The following CP variants were observed in gnomAD, a reference collection of about 807,000 sequenced individuals.
CP encodes ceruloplasmin, also known as caeruloplasmin.
Under a neutral mutation model 122.4 loss-of-function variants are expected in CP, and 64 were observed. The observed-to-expected ratio is 0.52, with a 90% confidence interval of 0.43 to 0.64. CP has a LOEUF of 0.64. CP is among the 30% of genes least tolerant of loss of function. The probability of loss-of-function intolerance (pLI) is 0.00; values close to 1 mark genes in which losing one functional copy is unlikely to be tolerated. For missense variants in CP, 1,167 were observed against 1,284.4 expected, an observed-to-expected ratio of 0.91 and a Z score of 1.40; for synonymous variants, 440 against 436.4, an observed-to-expected ratio of 1.01 and a Z score of -0.10.
chr3:149,184,184 G>A (rs554411580), intron 12 of CP, among the ~76,000 whole-genome samples: 4 of 151,412 alleles, frequency 2.6e-5, no homozygotes, highest in Non-Finnish European at 4.4e-5. Context: ...ACAAGCGCCC[G>A]CCACCATGCC....
At position 149,172,985 on chromosome 3, in the gene CP, T is replaced by C. The variant is rs937579895; in HGVS notation, c.*729A>G. 1.3e-5 allele frequency: 2 copies of C among 152,644 alleles called. No homozygotes were observed. Among genetic ancestry groups the C allele is most frequent in the South Asian group, 2.1e-4 (1 of 4,834 alleles). 9.5% of individuals were successfully genotyped at this position (152,644 alleles called of 1,614,324 possible). A position where few individuals can be genotyped will look rare whatever the true frequency, so the allele number is the denominator to read the frequency against. On this transcript the variant is annotated 3_prime_UTR_variant, in exon 19 of 19. Coordinates refer to ENST00000264613, the MANE Select transcript of CP (RefSeq NM_000096.4). ...AACCATGTGTCTTCATTTATAACTTTTTGTTTAAAAAATTTTTAGTTCAAG... is the reference window on the plus strand; with the variant it reads ...AACCATGTGTCTTCATTTATAACTTCTTGTTTAAAAAATTTTTAGTTCAAG...
chr3:149,210,412 G>A (rs774542599), intron 2 of CP, 33 bp from the exon 3 acceptor site: 2 of 1,562,530 alleles, frequency 1.3e-6, no homozygotes, highest in South Asian at 2.2e-5. Context: ...GGTGCAAAGT[G>A]AATGTGTTTG....
Position 149,178,631 on chromosome 3 carries a change from C to G in CP, c.2662G>C (p.Asp888His). ...AYYSTVDQVK[D>H]LYSGLIGPLI... ...GGGCCAATTAATCCACTGTAGAGGT[C>G]CTGGAAACAAGAAAAATCTTCAGTA... The change falls in exon 16 of 19, where the codon GAC becomes CAC. Residue 888 changes from aspartate (D) to histidine (H), a missense_variant and splice_region_variant. Around this residue, in one of 2 missense-constraint regions of CP, gnomAD observed 525 missense variants for 657.2 expected, o/e 0.80. Coordinates refer to ENST00000264613, the MANE Select transcript of CP (RefSeq NM_000096.4). 1 of 1,605,656 alleles carries G rather than the reference C, an allele frequency of 6.2e-7. No individual in the cohort carries two copies. Among genetic ancestry groups the G allele is most frequent in the Non-Finnish European group, 8.5e-7 (1 of 1,173,498 alleles).
chr3:149,202,284 A>G (rs748492338), intron 6 of CP, 43 bp from the exon 7 acceptor site: 4 of 1,613,718 alleles, frequency 2.5e-6, no homozygotes, highest in Non-Finnish European at 1.7e-6. Flanking sequence ...TTGAAGTAGA[A>G]CAGAAAGCAG....
chr3:149,176,205 A>C, intron 18 of CP, 45 bp downstream of exon 18: 8 of 1,577,820 alleles, frequency 5.1e-6, no homozygotes, highest in Non-Finnish European at 7.0e-6. Context: ...TCCTTTAGTT[A>C]TATCTTTTAT....
intron 8 of CP, 59 bp downstream of exon 8, chr3:149,199,653 T>C: frequency 6.3e-7 from 1 of 1,589,398 alleles, no homozygotes; most frequent in Non-Finnish European, 8.6e-7. Context: ...ATACTGTCAG[T>C]GACCAGTACA....
downstream of CP, chr3:149,172,290 C>A: frequency 1.9e-5 from 22 of 1,159,384 alleles, no homozygotes; most frequent in East Asian, 2.7e-5. Context: ...TGCCAAAGTA[C>A]AAGTAGAGGA....
chr3:149,174,690 T>C (rs1412836065), intron 18 of CP, among the ~76,000 whole-genome samples: 1 of 152,218 alleles, frequency 6.6e-6, no homozygotes, highest in African/African-American at 2.4e-5. Context: ...AGCAGGCTTT[T>C]CTAAGACTCA....
In CP at chr3:149,204,952, A is replaced by G. The variant is rs183678168; in HGVS notation, c.1208+1216T>C. On this transcript the variant is annotated intron_variant, in intron 6 of 18. Coordinates refer to ENST00000264613, the MANE Select transcript of CP (RefSeq NM_000096.4). ...ATAGAATGCCAGAAAATATTTGCAA[A>G]TAACTGATAAGGAATTAATATCCTG... 1.6e-3 allele frequency among the ~76,000 whole-genome samples: 239 copies of G among 152,326 alleles called. 1 individual carries two copies. Among genetic ancestry groups the G allele is most frequent in the Middle Eastern group, 0.01 (3 of 294 alleles).
rs150303869 is a variant in CP at position 149,207,611 on chromosome 3, T to C, written c.788A>G (p.Asn263Ser). 827 of 1,613,904 alleles carry C rather than the reference T, an allele frequency of 5.1e-4. 3 individuals carry two copies. Among genetic ancestry groups the C allele is most frequent in the Middle Eastern group, 1.6e-3 (10 of 6,062 alleles). ...FQESNRMYSV[N>S]GYTFGSLPGL... ...TGGGAGACTTCCAAAAGTGTATCCATTCACAGCTGTAAGTCAAGAGCAGAG... is the reference window on the plus strand; with the variant it reads ...TGGGAGACTTCCAAAAGTGTATCCACTCACAGCTGTAAGTCAAGAGCAGAG... The change falls in exon 5 of 19, where the codon AAT becomes AGT. Residue 263 changes from asparagine (N) to serine (S), a missense_variant. By Grantham distance (46) the Asn-to-Ser change is conservative. Around this residue, in one of 2 missense-constraint regions of CP, gnomAD observed 642 missense variants for 627.3 expected, o/e 1.02. Coordinates refer to ENST00000264613, the MANE Select transcript of CP (RefSeq NM_000096.4).
downstream of CP, among the ~76,000 whole-genome samples, chr3:149,170,787 C>T (rs1037713512): frequency 3.3e-5 from 5 of 152,170 alleles, no homozygotes; most frequent in East Asian, 1.9e-4. Context: ...ATAGAGTAAG[C>T]GATGGGCATG....
intron 9 of CP, among the ~76,000 whole-genome samples, chr3:149,192,703 A>C (rs1726622171): frequency 6.6e-6 from 1 of 151,940 alleles, no homozygotes; most frequent in Admixed American, 6.6e-5. Flanking sequence ...TATATGGCTT[A>C]ATATATAGAT....
chr3:149,214,283 C>G (rs1361011704), intron 1 of CP, among the ~76,000 whole-genome samples: 1 of 152,158 alleles, frequency 6.6e-6, no homozygotes, highest in Non-Finnish European at 1.5e-5. Flanking sequence ...ACCATGGCCA[C>G]TTGGCAATGG....
At chr3:149,194,080 G>A (rs1040520270) in intron 9 of CP, among the ~76,000 whole-genome samples, 1 of 152,016 alleles carries the variant, frequency 6.6e-6, no homozygotes, top group Non-Finnish European at 1.5e-5. Flanking sequence ...TTGTTGCAAA[G>A]GTCAAATAAG....
At chr3:149,198,605 T>C in intron 8 of CP, 27 bp from the exon 9 acceptor site, 6 of 1,600,122 alleles carry the variant, frequency 3.7e-6, no homozygotes, top group Non-Finnish European at 5.1e-6. Context: ...ATTAGAGAGG[T>C]GAAGTGTGCT....
chr3:149,196,076 C>G (rs755373208), intron 9 of CP, among the ~76,000 whole-genome samples: 4 of 152,154 alleles, frequency 2.6e-5, no homozygotes, highest in African/African-American at 7.2e-5. Flanking sequence ...CTAAAAATCT[C>G]TAGTGGGATC....
At chr3:149,210,496 T>C in intron 2 of CP, 117 bp from the exon 3 acceptor site, 1 of 910,570 alleles carries the variant, frequency 1.1e-6, no homozygotes. Flanking sequence ...ATGTGATCCT[T>C]GGGGATGTGT....
At chr3:149,196,572 A>G (rs1726910715) in intron 9 of CP, among the ~76,000 whole-genome samples, 1 of 152,208 alleles carries the variant, frequency 6.6e-6, no homozygotes, top group Non-Finnish European at 1.5e-5. Context: ...TATACTAGAA[A>G]GCAAAGAATC....
rs553416534 is a variant in CP, at chr3:149,219,591, T to C, written c.146+2056A>G. Among the ~76,000 whole-genome samples, 558 of 148,512 alleles carry C rather than the reference T, an allele frequency of 3.8e-3. 2 individuals carry two copies. Among genetic ancestry groups the C allele is most frequent in the Middle Eastern group, 0.023 (6 of 258 alleles). On this transcript the variant is annotated intron_variant, in intron 1 of 18. Transcript: ENST00000264613. ...GCCTTCTGCCATGATTGTGAGGCCT[T>C]CCCAGCCATGTGGAACTGTAAGTTC...
Sources: allele counts gnomAD v4.1 joint callset (sites outside exome capture counted in the v4.1 genomes callset), GRCh38; gene constraint gnomAD v4.1.1; regional missense constraint gnomAD v4.1.1; transcripts MANE v1.5; gene names NCBI Gene and HGNC (gene_info 2026-07-23, HGNC 2026-07-21).